Variants in ANO10 observed in about 807,000 individuals in gnomAD.
ANO10 encodes anoctamin 10.
A neutral mutation model predicts 74.7 loss-of-function variants in ANO10; 77 were observed. The observed-to-expected ratio is 1.03, with a 90% CI of 0.86 to 1.25. ANO10 has a LOEUF of 1.25. Among genes scored for constraint, ANO10 ranks in the 50% most tolerant of loss-of-function variants. ANO10 has a pLI of 0.00. For missense variants in ANO10, 721 were observed against 778.1 expected (o/e 0.93, Z 0.87); for synonymous variants, 279 against 284.9 (o/e 0.98, Z 0.21).
At chr3:43,594,352 T>C (rs1329814846) in intron 4 of ANO10, among the ~76,000 whole-genome samples, 2 of 152,232 alleles carry the variant, frequency 1.3e-5, no homozygotes, top group East Asian at 3.9e-4. Flanking sequence ...ATTGACCACA[T>C]AGTCGGAAGT....
At chr3:43,633,912 G>C (rs1361757988) in intron 1 of ANO10, among the ~76,000 whole-genome samples, 1 of 144,072 alleles carries the variant, frequency 6.9e-6, no homozygotes, top group Non-Finnish European at 1.5e-5. Flanking sequence ...AAAAAACTCA[G>C]ACTTTTAACC....
chr3:43,673,936 C>T (rs980928201), intron 1 of ANO10, among the ~76,000 whole-genome samples: 7 of 152,092 alleles, frequency 4.6e-5, no homozygotes, highest in African/African-American at 1.7e-4. Context: ...TGTTCTATGG[C>T]TTCCTTCTCA....
At chr3:43,432,763 A>C (rs2093003707) in intron 11 of ANO10, 36 bp from the exon 12 acceptor site, 1 of 1,279,330 alleles carries the variant, frequency 7.8e-7, no homozygotes. Context: ...GATGTGATAC[A>C]TCAGACCATA....
At chr3:43,538,885 A>G (rs1470296484) in intron 11 of ANO10, among the ~76,000 whole-genome samples, 1 of 152,226 alleles carries the variant, frequency 6.6e-6, no homozygotes, top group Non-Finnish European at 1.5e-5. Context: ...AGATACAGTA[A>G]ATTCAATCCA....
chr3:43,405,390 C>T (rs1267736959), intron 12 of ANO10, among the ~76,000 whole-genome samples: 1 of 152,222 alleles, frequency 6.6e-6, no homozygotes, highest in Non-Finnish European at 1.5e-5. Context: ...CCAGAAGTCC[C>T]ACTGACCATC....
chr3:43,377,678 G>A (rs2091847320), intron 12 of ANO10, among the ~76,000 whole-genome samples: 1 of 152,172 alleles, frequency 6.6e-6, no homozygotes, highest in African/African-American at 2.4e-5. Context: ...CAGGGCTCAG[G>A]TTCAGGCCAG....
chr3:43,405,287 G>C (rs1235211686), intron 12 of ANO10, among the ~76,000 whole-genome samples: 2 of 152,176 alleles, frequency 1.3e-5, no homozygotes, highest in Non-Finnish European at 2.9e-5. Flanking sequence ...TGGGGCAAGA[G>C]GGTGTTACAT....
chr3:43,377,569 A>C (rs1281725312), intron 12 of ANO10, among the ~76,000 whole-genome samples: 4 of 152,172 alleles, frequency 2.6e-5, no homozygotes, highest in African/African-American at 9.7e-5. Flanking sequence ...GGCCCTTGGG[A>C]GATAAGACCC....
intron 12 of ANO10, among the ~76,000 whole-genome samples, chr3:43,407,870 G>A (rs2092603386): frequency 6.6e-6 from 1 of 152,198 alleles, no homozygotes; most frequent in Admixed American, 6.5e-5. Context: ...CAGAGCCCAC[G>A]TGGGGCTTTG....
intron 11 of ANO10, among the ~76,000 whole-genome samples, chr3:43,490,271 G>A (rs1466064791): frequency 2.0e-5 from 3 of 152,138 alleles, no homozygotes; most frequent in East Asian, 3.9e-4. Flanking sequence ...CTTGCATGGT[G>A]TGTGTGTTCC....
intron 12 of ANO10, among the ~76,000 whole-genome samples, chr3:43,386,288 A>C (rs1160459055): frequency 6.6e-6 from 1 of 152,154 alleles, no homozygotes; most frequent in Non-Finnish European, 1.5e-5. Flanking sequence ...CTTTAAAAAG[A>C]AGGAAGGAAA....
chr3:43,396,398 G>C lies in ANO10; in HGVS notation c.1915-29424C>G, dbSNP rs183592212. 1.8e-3 allele frequency among the ~76,000 whole-genome samples: 281 copies of C among 152,120 alleles called. 1 individual carries two copies. The highest frequency in any genetic ancestry group is 4.9e-3 in the African/African-American group (204 of 41,506). ...CTGTCGCCCAGGCTGGAGTGCAGTG[G>C]CGCAATCTTGGCTCACTGCAACCTC... On this transcript the variant is annotated intron_variant, in intron 12 of 12. Transcript: ENST00000292246.
intron 1 of ANO10, among the ~76,000 whole-genome samples, chr3:43,684,939 G>A (rs966790164): frequency 6.6e-6 from 1 of 152,202 alleles, no homozygotes; most frequent in African/African-American, 2.4e-5. Flanking sequence ...TGTGGGGTCG[G>A]GGGCATGGGG....
intron 1 of ANO10, among the ~76,000 whole-genome samples, chr3:43,663,218 G>T (rs1363485144): frequency 6.6e-6 from 1 of 152,030 alleles, no homozygotes; most frequent in African/African-American, 2.4e-5. Context: ...TTCATCCCTG[G>T]GATGCAAGAC....
chr3:43,509,522 C>T (rs2077432306), intron 11 of ANO10, among the ~76,000 whole-genome samples: 1 of 152,044 alleles, frequency 6.6e-6, no homozygotes, highest in Non-Finnish European at 1.5e-5. Context: ...ATCAGAATGG[C>T]TAAAATAAAA....
At chr3:43,438,335 T>C (rs571042872) in intron 11 of ANO10, among the ~76,000 whole-genome samples, 143 of 152,088 alleles carry the variant, frequency 9.4e-4, no homozygotes, top group Middle Eastern at 3.4e-3. Flanking sequence ...TCCCAGCTAC[T>C]TGGGAGACTG....
chr3:43,431,506 T>C (rs1450122323), intron 12 of ANO10, among the ~76,000 whole-genome samples: 8 of 152,042 alleles, frequency 5.3e-5, no homozygotes, highest in African/African-American at 1.9e-4. Flanking sequence ...TTTTCTGCCA[T>C]TGCTGGGAAT....
At chr3:43,508,943 T>TAAAAA (rs35265220) in intron 11 of ANO10, among the ~76,000 whole-genome samples, 4 of 104,638 alleles carry the variant, frequency 3.8e-5, no homozygotes, top group Non-Finnish European at 5.9e-5. Context: ...TAAAGTATAA[T>TAAAAA]AAAAAAAAAA....
chr3:43,593,634 G>A (rs55969335), intron 4 of ANO10, among the ~76,000 whole-genome samples: 3,601 of 152,024 alleles, frequency 0.024, 143 homozygotes, highest in African/African-American at 0.081. Flanking sequence ...TGGAACAACC[G>A]GTACCAGCCA....
Sources: gnomAD v4.1 joint callset for allele counts (sites outside exome capture counted in the v4.1 genomes callset) on GRCh38, gnomAD v4.1.1 for gene constraint, MANE v1.5 for transcripts, NCBI Gene and HGNC (gene_info 2026-07-23, HGNC 2026-07-21) for gene names.